The following WBP2NL variants were observed in gnomAD, a reference collection of about 807,000 sequenced individuals.
WBP2NL encodes WBP2 N-terminal like, also known as postacrosomal sheath WW domain-binding protein.
Under a neutral mutation model 23.3 loss-of-function variants are expected in WBP2NL, and 27 were observed. The observed-to-expected ratio is 1.16, with a 90% CI of 0.85 to 1.60. The LOEUF (loss-of-function observed/expected upper bound fraction) is 1.60, where lower values mean the gene tolerates loss of function less well. WBP2NL is among the 40% of genes most tolerant of loss of function. WBP2NL has a pLI of 0.00. For synonymous variants in WBP2NL, 151 were observed against 145.9 expected (o/e 1.03, Z -0.25); for missense variants, 370 against 389.5 (o/e 0.95, Z 0.42).
At chr22:41,999,488 T>C (rs1569443838) in intron 1 of WBP2NL, among the ~76,000 whole-genome samples, 1 of 152,032 alleles carries the variant, frequency 6.6e-6, no homozygotes, top group Non-Finnish European at 1.5e-5. Context: ...AAAAACAAAA[T>C]TGAAAAAATT....
chr22:42,047,607 A>T (rs947410729), intron 8 of WBP2NL, among the ~76,000 whole-genome samples: 1 of 146,592 alleles, frequency 6.8e-6, no homozygotes, highest in Non-Finnish European at 1.5e-5. Context: ...CGCCTCCCAA[A>T]AAAAACCAAT....
chr22:42,002,678 G>A, intron 1 of WBP2NL: 1 of 152,140 alleles, frequency 6.6e-6, no homozygotes, highest in East Asian at 1.9e-4. Context: ...ACAAAAAGAA[G>A]TCATTTGCTT....
At chr22:42,011,596 G>A (rs764754158) in intron 1 of WBP2NL, among the ~76,000 whole-genome samples, 6 of 151,930 alleles carry the variant, frequency 3.9e-5, no homozygotes, top group Non-Finnish European at 5.9e-5. Flanking sequence ...CTAGTTAATT[G>A]GTCTGTTTAT....
rs17002791 is a variant in WBP2NL, at chr22:41,999,069, C to T, written c.62+189C>T. On this transcript the variant is annotated intron_variant, in intron 1 of 5. Coordinates refer to ENST00000328823, the MANE Select transcript of WBP2NL (RefSeq NM_152613.3). ...TTCCGGCATGTGGAGGTGGCGGAGG[C>T]CGGAACGCGTGGCCTCGCGCGTTTG... 0.027 allele frequency among the ~76,000 whole-genome samples: 4,104 copies of T among 150,820 alleles called. 175 individuals are homozygous for T. Among genetic ancestry groups the T allele is most frequent in the African/African-American group, 0.094 (3,861 of 40,896 alleles).
At chr22:42,009,022 A>G (rs951034776) in intron 1 of WBP2NL, among the ~76,000 whole-genome samples, 1 of 151,358 alleles carries the variant, frequency 6.6e-6, no homozygotes, top group South Asian at 2.1e-4. Context: ...CTTGTGATCC[A>G]CCCGCCTCAG....
chr22:42,000,888 A>G (rs1303907281), intron 1 of WBP2NL, among the ~76,000 whole-genome samples: 2 of 152,146 alleles, frequency 1.3e-5, no homozygotes, highest in African/African-American at 2.4e-5. Flanking sequence ...AAGGTGAACC[A>G]AAAGGTTGAG....
chr22:42,054,400 AG>A lies in WBP2NL; in HGVS notation c.*274-3888del, dbSNP rs1164855037. Among the ~76,000 whole-genome samples the A allele has an allele frequency of 1.1e-4, 16 of 150,148 alleles. 1 individual carries two copies. In the East Asian group the frequency reaches 2.9e-3, roughly 28 times the overall value. Reference sequence around the variant, plus strand: ...GAGATAGGGTTTCACCTTATTGGCCAGGCTGGTCTCAAACTCCTGACCTCAG... The same window carrying A: ...GAGATAGGGTTTCACCTTATTGGCCAGCTGGTCTCAAACTCCTGACCTCAG... On this transcript the variant is annotated intron_variant and NMD_transcript_variant, in intron 8 of 8. Coordinates refer to the WBP2NL transcript ENST00000436265.
chr22:42,017,114 A>G (rs953433863), intron 1 of WBP2NL, among the ~76,000 whole-genome samples: 1 of 152,028 alleles, frequency 6.6e-6, no homozygotes, highest in Non-Finnish European at 1.5e-5. Context: ...TACCTACTGA[A>G]TGCTACCCAT....
intron 1 of WBP2NL, among the ~76,000 whole-genome samples, chr22:42,009,880 C>A (rs2146767813): frequency 6.6e-6 from 1 of 152,184 alleles, no homozygotes. Flanking sequence ...TGTGTTGAAT[C>A]TCTGAATCAC....
Position 41,998,853 on chromosome 22 carries a change from G to A in WBP2NL, c.35G>A (p.Arg12His), listed in dbSNP as rs1012053043. 7.4e-6 allele frequency: 12 copies of A among 1,612,168 alleles called. No individual in the cohort carries two copies. The highest frequency in any genetic ancestry group is 9.3e-6 in the Non-Finnish European group (11 of 1,178,846). ...AATCAGAGCCACACCGAGAACCGCCGCGGAGCCCTCATCCCTAACGGTGAA... is the reference window on the plus strand; with the variant it reads ...AATCAGAGCCACACCGAGAACCGCCACGGAGCCCTCATCCCTAACGGTGAA... ...AVNQSHTENR[R>H]GALIPNGESL... Residue 12 changes from arginine (R) to histidine (H), a missense_variant, in exon 1 of 6, where the codon CGC becomes CAC. Physicochemically the swap from Arg to His is conservative, Grantham distance 29 (BLOSUM62 0). Coordinates refer to ENST00000328823, the MANE Select transcript of WBP2NL (RefSeq NM_152613.3).
chr22:42,057,430 CT>C (rs1926082205), intron 8 of WBP2NL, among the ~76,000 whole-genome samples: 1 of 151,982 alleles, frequency 6.6e-6, no homozygotes, highest in African/African-American at 2.4e-5. Context: ...CATTCTTATT[CT>C]TTCCTTTATT....
intron 1 of WBP2NL, 26 bp downstream of exon 1, chr22:41,998,906 T>C (rs369233816): frequency 1.2e-6 from 2 of 1,602,156 alleles, no homozygotes; most frequent in East Asian, 2.2e-5. Context: ...CACGGCGTGC[T>C]GTCGGAGGAG....
At chr22:42,001,579 A>G in intron 1 of WBP2NL, 2 of 1,135,900 alleles carry the variant, frequency 1.8e-6, no homozygotes, top group Non-Finnish European at 2.7e-6. Context: ...GAGGGTACAC[A>G]AAACACAAGG....
chr22:42,022,504 G>C, intron 5 of WBP2NL, 148 bp downstream of exon 5: 1 of 715,016 alleles, frequency 1.4e-6, no homozygotes. Flanking sequence ...TTTGTTTCCA[G>C]ACTGAAACCC....
chr22:42,026,603 T>C (rs1924518175), intron 5 of WBP2NL, among the ~76,000 whole-genome samples, 163 bp from the exon 6 acceptor site: 1 of 152,230 alleles, frequency 6.6e-6, no homozygotes, highest in Non-Finnish European at 1.5e-5. Context: ...GGAAGTGATA[T>C]GCCTTCAATT....
At position 42,017,903 on chromosome 22, in the gene WBP2NL, C is replaced by G. The variant is rs190561346; in HGVS notation, c.63-1408C>G. Among the ~76,000 whole-genome samples the G allele has an allele frequency of 3.5e-4, 54 of 152,138 alleles. 1 individual carries two copies. The Middle Eastern group carries it at 0.01, about 29-fold the overall frequency. On this transcript the variant is annotated intron_variant, in intron 1 of 5. Coordinates refer to ENST00000328823, the MANE Select transcript of WBP2NL (RefSeq NM_152613.3). The stretch of plus-strand genomic sequence containing the variant: ...GTGGCTCACGCCTGTAATCCCAGCA[C>G]TTTGGGAGGTCGAGGCGGGCGGATC...
At chr22:42,037,821 G>A (rs1925242525), downstream of WBP2NL, among the ~76,000 whole-genome samples, 1 of 145,828 alleles carries the variant, frequency 6.9e-6, no homozygotes. Flanking sequence ...GTTTCGGGGG[G>A]AGGTGCGGGG....
chr22:42,018,522 G>GA (rs910935637), intron 1 of WBP2NL, among the ~76,000 whole-genome samples: 66 of 151,602 alleles, frequency 4.4e-4, no homozygotes, highest in Non-Finnish European at 7.2e-4. Context: ...GATAAAGTAA[G>GA]AAAAAAAAGA....
At position 42,027,966 on chromosome 22, in the gene WBP2NL, C is replaced by T. The variant is rs1012384031; in HGVS notation, c.*785C>T. On this transcript the variant is annotated 3_prime_UTR_variant, in exon 6 of 6. Transcript: ENST00000328823. ...CTTGACTAGTGTTAGGGAAATGCAA[C>T]CTGAGATGAGAAAACATTTTTATCT... is the stretch of plus-strand genomic sequence containing the variant. The T allele has an allele frequency of 5.3e-5, 21 of 398,256 alleles. No homozygotes were observed. The highest frequency in any genetic ancestry group is 8.9e-5 in the Non-Finnish European group (20 of 225,974). 24.7% of individuals were successfully genotyped at this position (398,256 alleles called of 1,614,324 possible). A position where few individuals can be genotyped will look rare whatever the true frequency, so the allele number is the denominator to read the frequency against.
Sources: gnomAD v4.1 joint callset for allele counts (sites outside exome capture counted in the v4.1 genomes callset) on GRCh38, gnomAD v4.1.1 for gene constraint, MANE v1.5 for transcripts, NCBI Gene and HGNC (gene_info 2026-07-23, HGNC 2026-07-21) for gene names.